NTRK3: variants seen among roughly 807,000 people sequenced by gnomAD.
NTRK3 encodes the protein neurotrophic receptor tyrosine kinase 3, also known as NT-3 growth factor receptor.
Under a neutral mutation model 91.7 loss-of-function variants are expected in NTRK3, and 24 were observed. That is an observed-to-expected ratio of 0.26 (90% CI 0.19 to 0.37). NTRK3 has a LOEUF of 0.37. Among genes scored for constraint, NTRK3 ranks in the 10% least tolerant of loss-of-function variants. NTRK3 has a pLI of 1.00. For missense variants in NTRK3, 880 were observed against 1,068.9 expected, an observed-to-expected ratio of 0.82 and a Z score of 2.46; for synonymous variants, 483 against 404.0, an observed-to-expected ratio of 1.20 and a Z score of -2.34.
At chr15:87,860,404 T>TGCC (rs1402717759) in exon 19 of NTRK3, 82 of 221,334 alleles carry the variant, frequency 3.7e-4, no homozygotes, top group African/African-American at 1.8e-3. Flanking sequence ...GGTGGGCACT[T>TGCC]GCCTTTTCAA....
At chr15:88,102,632 C>T (rs747347910) in intron 13 of NTRK3, among the ~76,000 whole-genome samples, 2 of 152,036 alleles carry the variant, frequency 1.3e-5, no homozygotes, top group Non-Finnish European at 2.9e-5. Flanking sequence ...TAAGTATGTA[C>T]AACTATTATA....
chr15:88,031,701 C>A (rs888231387), intron 14 of NTRK3, among the ~76,000 whole-genome samples: 3 of 152,140 alleles, frequency 2.0e-5, no homozygotes, highest in African/African-American at 7.2e-5. Context: ...GCAATGCTCT[C>A]CTAAAACTCA....
At position 88,166,899 on chromosome 15, in the gene NTRK3, C is replaced by A. The variant is rs186884787; in HGVS notation, c.395+16519G>T. 1.3e-5 allele frequency among the ~76,000 whole-genome samples: 2 copies of A among 152,140 alleles called. 1 individual carries two copies. The highest frequency in any genetic ancestry group is 4.1e-4 in the South Asian group (2 of 4,824). On this transcript the variant is annotated intron_variant, in intron 5 of 18. Transcript: ENST00000394480. ...ACAGAGCTTAACACAATAAATATTTCGTCTCTTTTTCTCTTCACTTTGTTT... is the reference window on the plus strand; with the variant it reads ...ACAGAGCTTAACACAATAAATATTTAGTCTCTTTTTCTCTTCACTTTGTTT...
intron 17 of NTRK3, among the ~76,000 whole-genome samples, chr15:87,919,711 C>G (rs901224420): frequency 6.6e-6 from 1 of 152,192 alleles, no homozygotes; most frequent in Non-Finnish European, 1.5e-5. Context: ...CAATTATCCT[C>G]AATATCTCAA....
At chr15:87,950,673 C>G (rs143777611) in intron 14 of NTRK3, among the ~76,000 whole-genome samples, 54 of 152,326 alleles carry the variant, frequency 3.5e-4, no homozygotes, top group African/African-American at 1.3e-3. Flanking sequence ...ATATCCACCT[C>G]ATTGACTTGC....
intron 5 of NTRK3, among the ~76,000 whole-genome samples, chr15:88,156,434 A>G (rs1190414644): frequency 6.6e-6 from 1 of 152,080 alleles, no homozygotes; most frequent in South Asian, 2.1e-4. Flanking sequence ...CTGTTTCCAT[A>G]TATTCTCTCA....
At chr15:88,137,997 A>T (rs1023217736) in intron 6 of NTRK3, among the ~76,000 whole-genome samples, 1 of 150,512 alleles carries the variant, frequency 6.6e-6, no homozygotes, top group South Asian at 2.1e-4. Flanking sequence ...GTTGCAGTGA[A>T]CTGAGATCAC....
chr15:88,122,663 G>C (rs1286164747), intron 13 of NTRK3, among the ~76,000 whole-genome samples: 3 of 151,998 alleles, frequency 2.0e-5, no homozygotes, highest in African/African-American at 7.2e-5. Context: ...TTATTTCTCA[G>C]AAGGAAGTAA....
chr15:88,149,679 T>C (rs138741707), intron 5 of NTRK3, among the ~76,000 whole-genome samples: 228 of 152,320 alleles, frequency 1.5e-3, no homozygotes, highest in African/African-American at 5.3e-3. Context: ...CAAAGCCCCA[T>C]GCAGCAGCCC....
chr15:87,935,314 A>T (rs1437493996), intron 15 of NTRK3, among the ~76,000 whole-genome samples: 2 of 152,164 alleles, frequency 1.3e-5, no homozygotes, highest in Non-Finnish European at 2.9e-5. Flanking sequence ...GATCAGCCCA[A>T]TGTTGATTTT....
intron 5 of NTRK3, among the ~76,000 whole-genome samples, chr15:88,181,652 T>A (rs980316422): frequency 3.9e-5 from 6 of 152,202 alleles, no homozygotes; most frequent in African/African-American, 1.4e-4. Flanking sequence ...CACATTCTGC[T>A]CATAGAAGTA....
At chr15:87,997,676 T>C (rs1362689610) in intron 14 of NTRK3, among the ~76,000 whole-genome samples, 1 of 152,200 alleles carries the variant, frequency 6.6e-6, no homozygotes. Flanking sequence ...TTGATGGATA[T>C]GTGTTCTTTG....
chr15:88,088,201 C>G (rs1306221955), intron 13 of NTRK3, among the ~76,000 whole-genome samples: 1 of 152,114 alleles, frequency 6.6e-6, no homozygotes, highest in Non-Finnish European at 1.5e-5. Context: ...AAAATGGGTG[C>G]AATAAAAGTA....
intron 5 of NTRK3, among the ~76,000 whole-genome samples, chr15:88,181,098 A>G (rs1220714093): frequency 6.6e-6 from 1 of 151,732 alleles, no homozygotes; most frequent in African/African-American, 2.4e-5. Flanking sequence ...GCACAGACAG[A>G]CTCAAATTGG....
At chr15:88,149,335 G>A (rs1373430169) in intron 5 of NTRK3, among the ~76,000 whole-genome samples, 2 of 152,154 alleles carry the variant, frequency 1.3e-5, no homozygotes, top group East Asian at 1.9e-4. Flanking sequence ...TGGAGGAGAA[G>A]GGAAAGAAAC....
At chr15:88,018,926 T>A (rs1400910660) in intron 14 of NTRK3, among the ~76,000 whole-genome samples, 1 of 151,966 alleles carries the variant, frequency 6.6e-6, no homozygotes, top group Non-Finnish European at 1.5e-5. Flanking sequence ...CTCCCCCTTT[T>A]CCCCTCTCTT....
At chr15:87,903,004 G>A (rs1278859198) in intron 17 of NTRK3, among the ~76,000 whole-genome samples, 3 of 152,148 alleles carry the variant, frequency 2.0e-5, no homozygotes, top group Non-Finnish European at 4.4e-5. Context: ...TGGGCTCTGA[G>A]ACCGGTGTCT....
At chr15:88,016,103 C>T (rs1400060955) in intron 14 of NTRK3, among the ~76,000 whole-genome samples, 1 of 152,132 alleles carries the variant, frequency 6.6e-6, no homozygotes, top group Non-Finnish European at 1.5e-5. Flanking sequence ...GTCATGCATT[C>T]ATCACTTGGG....
chr15:88,025,324 T>C (rs2077943262), intron 14 of NTRK3, among the ~76,000 whole-genome samples: 2 of 152,250 alleles, frequency 1.3e-5, no homozygotes, highest in South Asian at 4.1e-4. Context: ...TGAATGTTTA[T>C]GCAGCTTTAT....
Sources: gnomAD v4.1 joint callset for allele counts (sites outside exome capture counted in the v4.1 genomes callset) on GRCh38, gnomAD v4.1.1 for gene constraint, MANE v1.5 for transcripts, NCBI Gene and HGNC (gene_info 2026-07-23, HGNC 2026-07-21) for gene names.